The following FOXRED2 variants were observed in gnomAD, a reference collection of about 807,000 sequenced individuals.
FOXRED2 encodes FAD-dependent oxidoreductase domain-containing protein 2.
A neutral mutation model predicts 52.5 loss-of-function variants in FOXRED2; 32 were observed. That is an observed-to-expected ratio of 0.61 (90% CI 0.46 to 0.82). The LOEUF is 0.82. Ranked by LOEUF, FOXRED2 falls within the 40% of genes least tolerant of loss-of-function variation. FOXRED2 has a pLI of 0.00. For synonymous variants in FOXRED2, 405 were observed against 398.1 expected (o/e 1.02, Z -0.21); for missense variants, 848 against 937.5 (o/e 0.90, Z 1.25).
chr22:36,495,682 C>T (rs1603493833), intron 7 of FOXRED2, among the ~76,000 whole-genome samples: 2 of 152,332 alleles, frequency 1.3e-5, no homozygotes, highest in African/African-American at 4.8e-5. Context: ...CACAGTCAGC[C>T]GCCTCTGGAG....
At chr22:36,498,742 G>A (rs770201388) in intron 5 of FOXRED2, among the ~76,000 whole-genome samples, 7 of 151,598 alleles carry the variant, frequency 4.6e-5, no homozygotes, top group Admixed American at 2.0e-4. Context: ...ACAGGGTCTC[G>A]CTCTGTTGCC....
chr22:36,498,297 G>T, intron 5 of FOXRED2, 141 bp from the exon 6 acceptor site: 1 of 891,824 alleles, frequency 1.1e-6, no homozygotes. Flanking sequence ...CCTAGGTGGT[G>T]AACACATGAG....
At chr22:36,492,817 C>T (rs1933791148) in intron 8 of FOXRED2, among the ~76,000 whole-genome samples, 1 of 152,202 alleles carries the variant, frequency 6.6e-6, no homozygotes, top group Admixed American at 6.5e-5. Flanking sequence ...TGCACCTGGC[C>T]TAAAAGTGTA....
chr22:36,493,560 C>A (rs780423707), intron 8 of FOXRED2, 73 bp downstream of exon 8: 7 of 1,351,270 alleles, frequency 5.2e-6, no homozygotes, highest in African/African-American at 1.5e-5. Flanking sequence ...TGAAACTCCA[C>A]GGGTCTTGGG....
intron 6 of FOXRED2, among the ~76,000 whole-genome samples, chr22:36,497,734 C>T (rs1933939093): frequency 6.6e-6 from 1 of 152,184 alleles, no homozygotes; most frequent in Non-Finnish European, 1.5e-5. Context: ...TTTACTGCTG[C>T]AAGGTAGGCA....
chr22:36,502,914 G>C (rs1934093965), intron 4 of FOXRED2, among the ~76,000 whole-genome samples: 1 of 151,854 alleles, frequency 6.6e-6, no homozygotes, highest in South Asian at 2.1e-4. Context: ...GGCTGGTCTT[G>C]AACTCCTAAC....
At chr22:36,500,108 A>G (rs1934006115) in intron 5 of FOXRED2, among the ~76,000 whole-genome samples, 1 of 152,126 alleles carries the variant, frequency 6.6e-6, no homozygotes, top group Non-Finnish European at 1.5e-5. Context: ...GCCACATCTA[A>G]CATTTTAGAC....
intron 7 of FOXRED2, among the ~76,000 whole-genome samples, chr22:36,494,296 T>C (rs1178206195): frequency 6.6e-6 from 1 of 151,978 alleles, no homozygotes; most frequent in Admixed American, 6.6e-5. Flanking sequence ...TTTTACATTT[T>C]TCGTAGAGAT....
At chr22:36,493,859 T>C (rs1207152753) in intron 7 of FOXRED2, 56 bp from the exon 8 acceptor site, 58 of 1,521,364 alleles carry the variant, frequency 3.8e-5, no homozygotes, top group Non-Finnish European at 4.8e-5. Flanking sequence ...CTTCCCCTCC[T>C]CGGGCCGACA....
At chr22:36,497,617 C>T (rs1456153285) in intron 6 of FOXRED2, among the ~76,000 whole-genome samples, 1 of 152,174 alleles carries the variant, frequency 6.6e-6, no homozygotes, top group Non-Finnish European at 1.5e-5. Flanking sequence ...CGATGGTGGC[C>T]GGCAAGGCCC....
At chr22:36,504,791 T>C (rs772247164) in intron 2 of FOXRED2, 25 bp from the exon 3 acceptor site, 45 of 1,611,100 alleles carry the variant, frequency 2.8e-5, no homozygotes, top group Non-Finnish European at 3.8e-5. Flanking sequence ...AGAGGAAAGA[T>C]GGCTTAGTCT....
chr22:36,504,119 A>G lies in FOXRED2; in HGVS notation c.1028T>C (p.Phe343Ser), dbSNP rs1345921230. 3 of 1,614,046 alleles carry G rather than the reference A, an allele frequency of 1.9e-6. No homozygotes were observed. The highest frequency in any genetic ancestry group is 1.1e-5 in the South Asian group (1 of 91,080). The change falls in exon 4 of 9, where the codon TTT (phenylalanine) becomes TCT (serine). Residue 343 changes from phenylalanine to serine, a missense_variant. Physicochemically the swap from Phe to Ser is radical, Grantham distance 155 (BLOSUM62 -2). Coordinates refer to ENST00000397224, the MANE Select transcript of FOXRED2 (RefSeq NM_001102371.2). ...TCACTTATTGAAAATGGAGAAGTCA[A>G]AGTTCCAGCCCAGGCAGCGGATTAC... ...DRVIRCLGWN[F>S]DFSIFNKSLR... is the part of the protein sequence containing the mutation.
Position 36,496,170 on chromosome 22 carries a change from A to G in FOXRED2, c.1421T>C (p.Ile474Thr). 2.5e-6 allele frequency: 4 copies of G among 1,613,994 alleles called. No individual in the cohort carries two copies. The highest frequency in any genetic ancestry group is 3.4e-6 in the Non-Finnish European group (4 of 1,180,014). ...TGTCTCCAGCTGGGCCAGCATCTGT[A>G]TGGGGAACTCCTCCAGGTACTCAAA... is the stretch of plus-strand genomic sequence containing the variant. ...TAFEYLEEFP[I>T]QMLAQLETLT... Residue 474 changes from isoleucine (I) to threonine (T), a missense_variant, in exon 7 of 9, where the codon ATA becomes ACA. Physicochemically the swap from Ile to Thr is moderately conservative, Grantham distance 89. Coordinates refer to ENST00000397224, the MANE Select transcript of FOXRED2 (RefSeq NM_001102371.2).
intron 8 of FOXRED2, among the ~76,000 whole-genome samples, chr22:36,492,588 C>A (rs1933783345): frequency 6.6e-6 from 1 of 152,200 alleles, no homozygotes; most frequent in Non-Finnish European, 1.5e-5. Flanking sequence ...TCTCGGGTCA[C>A]TGCAACATCC....
At position 36,493,663 on chromosome 22, in the gene FOXRED2, A is replaced by G. The variant is rs138229716; in HGVS notation, c.1765T>C (p.Leu589=). ...TAGAAGCTTCGCAAATCGGTGTCCA[A>G]ACAGTTCTCCAGGAAGCGCCTCAGA... ...LPLRRFLENC[L]DTDLRSFYAE... Residue 589 remains leucine, a synonymous_variant, in exon 8 of 9, where the codon TTG becomes CTG. Transcript: ENST00000397224. The G allele has an allele frequency of 8.5e-5, 138 of 1,614,194 alleles. No homozygotes were observed. The East Asian group carries it at 1.1e-3, about 13-fold the overall frequency.
intron 5 of FOXRED2, 130 bp from the exon 6 acceptor site, chr22:36,498,286 G>A (rs935810674): frequency 2.9e-6 from 3 of 1,051,802 alleles, no homozygotes; most frequent in Admixed American, 5.5e-5. Context: ...CAGCGCAAAC[G>A]CCTAGGTGGT....
At chr22:36,492,990 C>T (rs1333509800) in intron 8 of FOXRED2, among the ~76,000 whole-genome samples, 1 of 152,226 alleles carries the variant, frequency 6.6e-6, no homozygotes, top group Non-Finnish European at 1.5e-5. Context: ...CATCTATCTC[C>T]TCCTTTGGAG....
intron 1 of FOXRED2, chr22:36,506,725 T>G: frequency 3.0e-6 from 1 of 331,576 alleles, no homozygotes; most frequent in Non-Finnish European, 5.5e-6. Context: ...TCCCCAATTT[T>G]CCCCTAATTT....
Position 36,504,710 on chromosome 22 carries a change from G to C in FOXRED2, c.584C>G (p.Ser195Cys). 2 of 1,614,106 alleles carry C rather than the reference G, an allele frequency of 1.2e-6. No individual in the cohort carries two copies. The change falls in exon 3 of 9, where the codon TCC (serine) becomes TGC (cysteine). Residue 195 changes from serine to cysteine, a missense_variant. Coordinates refer to ENST00000397224, the MANE Select transcript of FOXRED2 (RefSeq NM_001102371.2). Reference protein sequence around the residue: ...SVPNQVDFPGSEYAEGYESVS... With the variant: ...SVPNQVDFPGCEYAEGYESVS... ...GGACTCGTAACCCTCTGCATATTCG[G>C]AGCCAGGGAAGTCAACCTGGTTGGG...
Sources: allele counts gnomAD v4.1 joint callset (sites outside exome capture counted in the v4.1 genomes callset), GRCh38; gene constraint gnomAD v4.1.1; transcripts MANE v1.5; gene names NCBI Gene and HGNC (gene_info 2026-07-23, HGNC 2026-07-21).